Variants in SCN8A observed in about 807,000 individuals in gnomAD.
SCN8A encodes the protein sodium channel protein type 8 subunit alpha.
Under a neutral mutation model 184.1 loss-of-function variants are expected in SCN8A, and 30 were observed. That is an observed-to-expected ratio of 0.16 (90% confidence interval 0.12 to 0.22). SCN8A has a LOEUF of 0.22. Among genes scored for constraint, SCN8A ranks in the 10% least tolerant of loss-of-function variants. The pLI is 1.00. For synonymous variants in SCN8A, 852 were observed against 907.0 expected, an observed-to-expected ratio of 0.94 and a Z score of 1.09; for missense variants, 1,057 against 2,498.9, an observed-to-expected ratio of 0.42 and a Z score of 12.30.
At chr12:51,801,708 C>A (rs1207404950) in intron 26 of SCN8A, among the ~76,000 whole-genome samples, 4 of 152,180 alleles carry the variant, frequency 2.6e-5, no homozygotes, top group African/African-American at 9.6e-5. Flanking sequence ...TGTCCTGCAA[C>A]CTTAATATCC....
intron 1 of SCN8A, among the ~76,000 whole-genome samples, chr12:51,626,432 C>T (rs1255554463): frequency 1.3e-5 from 2 of 152,136 alleles, no homozygotes; most frequent in Non-Finnish European, 2.9e-5. Context: ...CCGTACCTAC[C>T]AGTTGAATTA....
Position 51,745,975 on chromosome 12 carries a change from T to C in SCN8A, c.2071T>C (p.Tyr691His). The change falls in exon 13 of 27, where the codon TAC becomes CAC. Residue 691 changes from tyrosine to histidine, a missense_variant. This residue lies in a region of SCN8A where 322 missense variants were observed against 390.1 expected (regional missense o/e 0.83). Transcript: ENST00000627620. Reference sequence around the variant, plus strand: ...AGTTTCCATGGACCAATTAGCCTCCTACGGGCGGAAGGACAGAATCAACAG... The same window carrying C: ...AGTTTCCATGGACCAATTAGCCTCCCACGGGCGGAAGGACAGAATCAACAG... Reference protein sequence around the residue: ...LLVSMDQLASYGRKDRINSIM... With the variant: ...LLVSMDQLASHGRKDRINSIM... 1 of 1,612,308 alleles carries C rather than the reference T, an allele frequency of 6.2e-7. No homozygotes were observed. The highest frequency in any genetic ancestry group is 8.5e-7 in the Non-Finnish European group (1 of 1,179,050).
At chr12:51,632,384 G>T (rs1166217192) in intron 1 of SCN8A, among the ~76,000 whole-genome samples, 1 of 152,206 alleles carries the variant, frequency 6.6e-6, no homozygotes, top group African/African-American at 2.4e-5. Context: ...TTGACTCAGT[G>T]TAAGGCATTG....
chr12:51,747,133 T>TGTGTGTGTGTGTGTGTGTGTGTG (rs1293848039), intron 13 of SCN8A, among the ~76,000 whole-genome samples: 1 of 99,964 alleles, frequency 1.0e-5, no homozygotes, highest in African/African-American at 4.2e-5. Context: ...GTGTGTGTGT[T>TGTGTGTGTGTGTGTGTGTGTGTG]GGGGAGGGGG....
chr12:51,749,335 CA>C (rs1318097096), intron 13 of SCN8A, among the ~76,000 whole-genome samples: 1 of 152,166 alleles, frequency 6.6e-6, no homozygotes, highest in Non-Finnish European at 1.5e-5. Flanking sequence ...TGGCAAGACT[CA>C]AGACCTAGTT....
chr12:51,800,003 G>A (rs986874398), intron 26 of SCN8A, among the ~76,000 whole-genome samples: 2 of 152,172 alleles, frequency 1.3e-5, no homozygotes, highest in Non-Finnish European at 2.9e-5. Context: ...GGGTCCAGTC[G>A]GCATAATGTC....
At position 51,593,159 on chromosome 12, in the gene SCN8A, G is replaced by C. The variant is rs575073823; in HGVS notation, c.-55+1800G>C. On this transcript the variant is annotated intron_variant, in intron 1 of 26. Transcript: ENST00000627620. Reference sequence around the variant, plus strand: ...AGGCCTTCATTTCTCCCTGAAAGAGGATTTGGTTGCTGGTTGGTGAGGTGG... The same window carrying C: ...AGGCCTTCATTTCTCCCTGAAAGAGCATTTGGTTGCTGGTTGGTGAGGTGG... 8.5e-5 allele frequency among the ~76,000 whole-genome samples: 13 copies of C among 152,258 alleles called. No individual in the cohort carries two copies. In the South Asian group the frequency reaches 2.7e-3, roughly 32 times the overall value.
chr12:51,728,485 A>G (rs540329753), intron 12 of SCN8A, among the ~76,000 whole-genome samples: 2 of 151,998 alleles, frequency 1.3e-5, no homozygotes, highest in African/African-American at 2.4e-5. Flanking sequence ...TGTAATCCCA[A>G]CGCTTTGGGA....
chr12:51,699,920 A>C, intron 7 of SCN8A, 129 bp downstream of exon 7: 2 of 700,910 alleles, frequency 2.9e-6, no homozygotes, highest in Non-Finnish European at 4.7e-6. Context: ...TAATCCTAGC[A>C]CTTTGGGAGG....
At chr12:51,737,753 G>T (rs1439406005) in intron 12 of SCN8A, among the ~76,000 whole-genome samples, 1 of 152,188 alleles carries the variant, frequency 6.6e-6, no homozygotes, top group South Asian at 2.1e-4. Flanking sequence ...TTTACTGCAG[G>T]AATTGTAAAT....
Position 51,769,936 on chromosome 12 carries a change from T to C in SCN8A, c.3441T>C (p.Pro1147=), listed in dbSNP as rs2138870285. The change falls in exon 18 of 27, where the codon CCT becomes CCC. Residue 1147 remains proline, a synonymous_variant. Transcript: ENST00000627620. ...TCAAACCAGAAGTAGAAGAGGTCCC[T>C]GTGGAACAGCCTGAGGAATACTTGG... ...IDIKPEVEEV[P]VEQPEEYLDP... The C allele has an allele frequency of 6.2e-7, 1 of 1,607,886 alleles. No individual in the cohort carries two copies. Among genetic ancestry groups the C allele is most frequent in the African/African-American group, 1.3e-5 (1 of 74,946 alleles).
chr12:51,651,369 A>G (rs949738567), intron 1 of SCN8A, among the ~76,000 whole-genome samples: 1 of 152,094 alleles, frequency 6.6e-6, no homozygotes, highest in African/African-American at 2.4e-5. Flanking sequence ...ACGCCTGGCT[A>G]ATTTTTCATA....
At chr12:51,648,032 G>A (rs1238921643) in intron 1 of SCN8A, among the ~76,000 whole-genome samples, 1 of 93,516 alleles carries the variant, frequency 1.1e-5, no homozygotes, top group Non-Finnish European at 2.7e-5. Flanking sequence ...GGCGTGAGGT[G>A]TGCTGCTGCA....
At chr12:51,600,704 C>G (rs1939444674) in intron 1 of SCN8A, among the ~76,000 whole-genome samples, 1 of 151,798 alleles carries the variant, frequency 6.6e-6, no homozygotes. Flanking sequence ...CAGAAATGAT[C>G]ATTGAATGAG....
rs770320050 is a variant in SCN8A, at chr12:51,706,616, C to T, written c.1536C>T (p.Pro512=). Residue 512 remains proline (P), a synonymous_variant, in exon 11 of 27, where the codon CCC becomes CCT. Coordinates refer to ENST00000627620, the MANE Select transcript of SCN8A (RefSeq NM_001330260.2). ...CTGAAGGAGAGGAGAAAGGGGATCC[C>T]GAGAAGGTGTTTAAGTCAGAGTCAG... The part of the protein sequence containing the change: ...ELSEGEEKGD[P]EKVFKSESED... The T allele has an allele frequency of 1.2e-5, 20 of 1,607,814 alleles. No individual in the cohort carries two copies. In the African/African-American group the frequency reaches 1.5e-4, roughly 12 times the overall value.
At chr12:51,645,962 A>T (rs1940578433) in intron 1 of SCN8A, among the ~76,000 whole-genome samples, 1 of 133,648 alleles carries the variant, frequency 7.5e-6, no homozygotes, top group African/African-American at 3.0e-5. Context: ...AAAAAAAAAA[A>T]AAATAATAAT....
At chr12:51,719,877 C>G (rs1317126797) in intron 11 of SCN8A, among the ~76,000 whole-genome samples, 1 of 151,412 alleles carries the variant, frequency 6.6e-6, no homozygotes, top group Non-Finnish European at 1.5e-5. Flanking sequence ...GAGATCGAGA[C>G]CATCCTGGCT....
At chr12:51,692,666 TA>T (rs1486323800) in intron 6 of SCN8A, among the ~76,000 whole-genome samples, 1 of 152,230 alleles carries the variant, frequency 6.6e-6, no homozygotes, top group Non-Finnish European at 1.5e-5. Context: ...TTATATGTCT[TA>T]AAACTTTGTT....
At chr12:51,637,713 A>G (rs1349305090) in intron 1 of SCN8A, among the ~76,000 whole-genome samples, 2 of 152,238 alleles carry the variant, frequency 1.3e-5, no homozygotes, top group East Asian at 3.8e-4. Context: ...TCATCTCCAG[A>G]ACATGACAGT....
Sources: allele counts gnomAD v4.1 joint callset (sites outside exome capture counted in the v4.1 genomes callset), GRCh38; gene constraint gnomAD v4.1.1; regional missense constraint gnomAD v4.1.1; transcripts MANE v1.5; gene names NCBI Gene and HGNC (gene_info 2026-07-23, HGNC 2026-07-21).